The following SLIT3 variants were observed in gnomAD, a reference collection of about 807,000 sequenced individuals.
SLIT3 encodes the protein slit guidance ligand 3.
SLIT3 carries 68 observed loss-of-function variants against 184.0 expected under a neutral mutation model. The ratio of observed to expected loss-of-function variants is 0.37; its 90% CI spans 0.30 to 0.45. SLIT3 has a LOEUF of 0.45. SLIT3 is among the 20% of genes least tolerant of loss of function. The probability of loss-of-function intolerance (pLI) is 1.00; values close to 1 mark genes in which losing one functional copy is unlikely to be tolerated. For missense variants in SLIT3, 1,707 were observed against 2,026.0 expected (o/e 0.84, Z 3.02); for synonymous variants, 831 against 828.6 (o/e 1.00, Z -0.05).
chr5:168,826,878 T>G (rs2113677368), intron 6 of SLIT3, among the ~76,000 whole-genome samples: 1 of 152,316 alleles, frequency 6.6e-6, no homozygotes, highest in African/African-American at 2.4e-5. Flanking sequence ...TCTCCCTGCC[T>G]TAGCCTTCTG....
chr5:168,845,302 G>A (rs1207278953), intron 5 of SLIT3, among the ~76,000 whole-genome samples: 1 of 152,120 alleles, frequency 6.6e-6, no homozygotes, highest in Non-Finnish European at 1.5e-5. Context: ...CATCTGGTAG[G>A]TCATTCTATT....
At chr5:169,008,657 G>GTT (rs369408913) in intron 4 of SLIT3, among the ~76,000 whole-genome samples, 5,878 of 151,234 alleles carry the variant, frequency 0.039, 133 homozygotes, top group Middle Eastern at 0.065. Context: ...TGCTGTTGTT[G>GTT]TTTTTTTTTA....
chr5:169,110,510 C>G (rs1000774534), intron 4 of SLIT3, among the ~76,000 whole-genome samples: 1 of 152,158 alleles, frequency 6.6e-6, no homozygotes, highest in Non-Finnish European at 1.5e-5. Context: ...GGCATTCTCT[C>G]TGTACCCTAC....
chr5:169,192,991 A>G (rs1413555819), intron 4 of SLIT3, among the ~76,000 whole-genome samples: 4 of 152,168 alleles, frequency 2.6e-5, no homozygotes, highest in Non-Finnish European at 5.9e-5. Context: ...TTCCCACAAA[A>G]TCATAAACCC....
At chr5:168,941,186 T>C (rs1247454966) in intron 4 of SLIT3, among the ~76,000 whole-genome samples, 2 of 152,200 alleles carry the variant, frequency 1.3e-5, no homozygotes, top group African/African-American at 2.4e-5. Flanking sequence ...TCCACAAAGT[T>C]TGGGATTGAT....
chr5:168,905,328 C>G (rs1208787835), intron 4 of SLIT3, among the ~76,000 whole-genome samples: 1 of 152,208 alleles, frequency 6.6e-6, no homozygotes, highest in African/African-American at 2.4e-5. Context: ...CCTCCCCAGT[C>G]AGAGGGCCTT....
At chr5:168,789,325 T>A (rs2113585583) in intron 11 of SLIT3, among the ~76,000 whole-genome samples, 1 of 152,154 alleles carries the variant, frequency 6.6e-6, no homozygotes, top group South Asian at 2.1e-4. Context: ...TAGAAGCCAA[T>A]AACTGGGAAA....
intron 4 of SLIT3, among the ~76,000 whole-genome samples, chr5:168,972,337 A>ATGTGTGTG (rs60588036): frequency 0.025 from 2,959 of 118,284 alleles, 141 homozygotes; most frequent in East Asian, 0.1. Context: ...GCAGGACAAC[A>ATGTGTGTG]TGTGTGTGTG....
At chr5:169,050,244 C>T (rs1398498458) in intron 4 of SLIT3, among the ~76,000 whole-genome samples, 3 of 152,212 alleles carry the variant, frequency 2.0e-5, no homozygotes, top group Non-Finnish European at 2.9e-5. Flanking sequence ...GAATGCAGCA[C>T]TGTATCTCCT....
chr5:169,004,538 C>A (rs1417325244), intron 4 of SLIT3, among the ~76,000 whole-genome samples: 1 of 152,120 alleles, frequency 6.6e-6, no homozygotes, highest in Non-Finnish European at 1.5e-5. Flanking sequence ...AGAGAAGGGG[C>A]TTTGGACTCA....
chr5:169,162,386 GAGA>G (rs1368485677), intron 4 of SLIT3, among the ~76,000 whole-genome samples: 22 of 152,206 alleles, frequency 1.4e-4, no homozygotes, highest in Admixed American at 6.5e-4. Flanking sequence ...CTTACAGCAG[GAGA>G]AGAAGTTCCT....
At chr5:169,099,543 C>A (rs1759927542) in intron 4 of SLIT3, among the ~76,000 whole-genome samples, 1 of 152,164 alleles carries the variant, frequency 6.6e-6, no homozygotes, top group Non-Finnish European at 1.5e-5. Flanking sequence ...CCATTTTATT[C>A]TCATAACCTT....
chr5:168,868,110 C>A (rs1288753573), intron 5 of SLIT3, among the ~76,000 whole-genome samples: 1 of 152,160 alleles, frequency 6.6e-6, no homozygotes, highest in Admixed American at 6.5e-5. Context: ...AAACCAAACC[C>A]CAAAACTCCT....
At chr5:168,981,871 T>A (rs575988070) in intron 4 of SLIT3, among the ~76,000 whole-genome samples, 16 of 152,312 alleles carry the variant, frequency 1.1e-4, no homozygotes, top group South Asian at 6.2e-4. Context: ...AGGCTAAGAA[T>A]GGAGTCCCAT....
intron 1 of SLIT3, among the ~76,000 whole-genome samples, chr5:169,269,082 G>A (rs1181664017): frequency 6.6e-6 from 1 of 152,226 alleles, no homozygotes; most frequent in African/African-American, 2.4e-5. Flanking sequence ...GATGGTCTGA[G>A]CTCCCTGCTC....
At chr5:169,294,723 C>T (rs868241559) in intron 1 of SLIT3, among the ~76,000 whole-genome samples, 2 of 152,170 alleles carry the variant, frequency 1.3e-5, no homozygotes, top group South Asian at 2.1e-4. Context: ...TAGGCGATTT[C>T]GTCATTGTGC....
At chr5:169,234,773 A>G (rs1331256533) in intron 3 of SLIT3, among the ~76,000 whole-genome samples, 4 of 152,152 alleles carry the variant, frequency 2.6e-5, no homozygotes, top group African/African-American at 9.7e-5. Context: ...AAGTTCTTGA[A>G]TGTTCATAAT....
At chr5:168,981,661 T>C (rs1257350260) in intron 4 of SLIT3, among the ~76,000 whole-genome samples, 2 of 152,190 alleles carry the variant, frequency 1.3e-5, no homozygotes, top group Non-Finnish European at 2.9e-5. Flanking sequence ...CCCTTTACTA[T>C]AATAACCATA....
chr5:168,841,275 G>A (rs986957306), intron 6 of SLIT3, among the ~76,000 whole-genome samples: 1 of 152,374 alleles, frequency 6.6e-6, no homozygotes, highest in South Asian at 2.1e-4. Context: ...AAAGCAGGGT[G>A]AGGGTAACAG....
Sources: gnomAD v4.1 joint callset for allele counts (sites outside exome capture counted in the v4.1 genomes callset) on GRCh38, gnomAD v4.1.1 for gene constraint, MANE v1.5 for transcripts, NCBI Gene and HGNC (gene_info 2026-07-23, HGNC 2026-07-21) for gene names.